The following AKAP19 variants were observed in gnomAD, a reference collection of about 807,000 sequenced individuals.
AKAP19 encodes A-kinase anchoring protein 19, also known as small A-kinase anchoring protein.
At chr2:190,061,749 G>A in the AKAP19 span, among the ~76,000 whole-genome samples, 3 of 151,390 alleles carry the variant, frequency 2.0e-5, no homozygotes, top group Non-Finnish European at 4.4e-5. Context: ...TACTGAGAGA[G>A]TTTCAAATAA....
At chr2:190,201,480 C>T in the AKAP19 span, 1 of 166,842 alleles carries the variant, frequency 6.0e-6, no homozygotes, top group Non-Finnish European at 1.5e-5. Flanking sequence ...CCACAATACA[C>T]CATTGGTATT....
At chr2:190,154,372 T>G in the AKAP19 span, among the ~76,000 whole-genome samples, 1 of 152,330 alleles carries the variant, frequency 6.6e-6, no homozygotes, top group South Asian at 2.1e-4. Flanking sequence ...TGAATTAATC[T>G]GTCTTATTTT....
chr2:190,143,681 A>G, the AKAP19 span, among the ~76,000 whole-genome samples: 1 of 152,100 alleles, frequency 6.6e-6, no homozygotes, highest in Admixed American at 6.5e-5. Flanking sequence ...GTATATACCC[A>G]AAGGACTATA....
the AKAP19 span, among the ~76,000 whole-genome samples, chr2:189,999,463 T>G: frequency 6.6e-6 from 1 of 152,192 alleles, no homozygotes; most frequent in Non-Finnish European, 1.5e-5. Flanking sequence ...AAAAAAGATA[T>G]ATTTGGAATC....
chr2:189,926,325 C>T, the AKAP19 span, among the ~76,000 whole-genome samples: 4 of 152,074 alleles, frequency 2.6e-5, no homozygotes, highest in African/African-American at 7.2e-5. Context: ...GACGGAGTCT[C>T]ACTCTGTCAC....
chr2:190,028,418 A>G, the AKAP19 span, among the ~76,000 whole-genome samples: 1 of 152,190 alleles, frequency 6.6e-6, no homozygotes, highest in African/African-American at 2.4e-5. Flanking sequence ...TTAGTTTTCA[A>G]ATGAATTGGT....
At chr2:189,944,594 A>G in the AKAP19 span, among the ~76,000 whole-genome samples, 5 of 152,228 alleles carry the variant, frequency 3.3e-5, no homozygotes, top group Non-Finnish European at 7.3e-5. Flanking sequence ...TCCCAGGTAT[A>G]TAAAGGAAAC....
chr2:190,014,183 G>T, the AKAP19 span, among the ~76,000 whole-genome samples: 1 of 152,004 alleles, frequency 6.6e-6, no homozygotes, highest in African/African-American at 2.4e-5. Context: ...TTGATCCATT[G>T]GTTGTTGTAT....
At chr2:190,097,196 A>C in the AKAP19 span, among the ~76,000 whole-genome samples, 1 of 152,168 alleles carries the variant, frequency 6.6e-6, no homozygotes, top group African/African-American at 2.4e-5. Context: ...AGCATCCATT[A>C]GTTATTCTTC....
the AKAP19 span, among the ~76,000 whole-genome samples, chr2:190,116,968 G>C: frequency 6.6e-6 from 1 of 152,174 alleles, no homozygotes; most frequent in Admixed American, 6.5e-5. Flanking sequence ...TGGTATGAAG[G>C]TATGGTGTCA....
chr2:190,136,108 A>C, the AKAP19 span, among the ~76,000 whole-genome samples: 1 of 150,894 alleles, frequency 6.6e-6, no homozygotes, highest in Non-Finnish European at 1.5e-5. Context: ...TGTCTACTAC[A>C]TGTGAACAAA....
At chr2:190,022,154 G>A in the AKAP19 span, among the ~76,000 whole-genome samples, 1 of 151,934 alleles carries the variant, frequency 6.6e-6, no homozygotes, top group Non-Finnish European at 1.5e-5. Flanking sequence ...CCTCTTAAAG[G>A]CCCCCCTTTT....
At chr2:189,923,743 T>C in the AKAP19 span, 1 of 1,613,684 alleles carries the variant, frequency 6.2e-7, no homozygotes, top group South Asian at 1.1e-5. Flanking sequence ...CTCCTCCTAT[T>C]GCTCGGGCTG....
At chr2:189,918,267 C>A in the AKAP19 span, among the ~76,000 whole-genome samples, 1 of 152,020 alleles carries the variant, frequency 6.6e-6, no homozygotes, top group Non-Finnish European at 1.5e-5. Flanking sequence ...TATCATATTT[C>A]TTTCTTCCTG....
the AKAP19 span, among the ~76,000 whole-genome samples, chr2:189,982,895 G>A: frequency 6.6e-6 from 1 of 152,142 alleles, no homozygotes; most frequent in Non-Finnish European, 1.5e-5. Flanking sequence ...GGCTGACAGT[G>A]TGGAGGTCTC....
chr2:190,023,290 G>A, the AKAP19 span, among the ~76,000 whole-genome samples: 2 of 152,158 alleles, frequency 1.3e-5, no homozygotes, highest in Admixed American at 1.3e-4. Flanking sequence ...TTTATCTCAA[G>A]TTGAAGAACA....
At chr2:189,930,966 C>T in the AKAP19 span, 1 of 840,252 alleles carries the variant, frequency 1.2e-6, no homozygotes, top group Non-Finnish European at 2.0e-6. Context: ...ACTCCTGAAG[C>T]AGGGAGATGT....
At chr2:189,968,782 TA>T in the AKAP19 span, among the ~76,000 whole-genome samples, 4 of 152,314 alleles carry the variant, frequency 2.6e-5, no homozygotes, top group South Asian at 8.3e-4. Context: ...ATCTAATTTT[TA>T]AAATTTCACT....
the AKAP19 span, among the ~76,000 whole-genome samples, chr2:189,955,249 G>A: frequency 6.6e-6 from 1 of 152,112 alleles, no homozygotes; most frequent in Non-Finnish European, 1.5e-5. Flanking sequence ...AGTTGCATCT[G>A]TGTTTCTGTA....
Sources: gnomAD v4.1 joint callset for allele counts (sites outside exome capture counted in the v4.1 genomes callset) on GRCh38, gnomAD v4.1.1 for gene constraint, MANE v1.5 for transcripts, NCBI Gene and HGNC (gene_info 2026-07-23, HGNC 2026-07-21) for gene names.